Variants in EPB41L4A observed in about 807,000 individuals in gnomAD.
EPB41L4A encodes erythrocyte membrane protein band 4.1 like 4A.
Under a neutral mutation model 108.6 loss-of-function variants are expected in EPB41L4A, and 100 were observed. The ratio of observed to expected loss-of-function variants is 0.92; its 90% CI spans 0.78 to 1.09. EPB41L4A has a LOEUF of 1.09. EPB41L4A is among the 50% of genes least tolerant of loss of function. EPB41L4A has a pLI of 0.00. For synonymous variants in EPB41L4A, 319 were observed against 289.0 expected, an observed-to-expected ratio of 1.10 and a Z score of -1.05; for missense variants, 1,030 against 842.7, an observed-to-expected ratio of 1.22 and a Z score of -2.75.
At chr5:112,155,027 C>T (rs1253166495) in intron 12 of EPB41L4A, among the ~76,000 whole-genome samples, 1 of 152,066 alleles carries the variant, frequency 6.6e-6, no homozygotes, top group African/African-American at 2.4e-5. Flanking sequence ...CTGAATGGTC[C>T]TATGTCCATT....
chr5:112,333,659 G>C (rs1487544497), intron 1 of EPB41L4A, among the ~76,000 whole-genome samples: 2 of 151,938 alleles, frequency 1.3e-5, no homozygotes, highest in Non-Finnish European at 2.9e-5. Flanking sequence ...ATGAGTTGCA[G>C]TCTCTCTCTC....
chr5:112,344,319 T>C (rs1463905135), intron 1 of EPB41L4A, among the ~76,000 whole-genome samples: 4 of 152,172 alleles, frequency 2.6e-5, no homozygotes, highest in Admixed American at 6.5e-5. Context: ...GAAAATTCTG[T>C]AGGACATCCC....
chr5:112,262,704 A>C, intron 6 of EPB41L4A, 123 bp from the exon 7 acceptor site: 1 of 797,890 alleles, frequency 1.3e-6, no homozygotes, highest in Non-Finnish European at 2.0e-6. Flanking sequence ...TGCAAACTTA[A>C]GTCCTTGTAT....
At chr5:112,259,443 C>T in intron 8 of EPB41L4A, 151 bp from the exon 9 acceptor site, 1 of 651,052 alleles carries the variant, frequency 1.5e-6, no homozygotes, top group Non-Finnish European at 2.7e-6. Flanking sequence ...GAGATTTCCC[C>T]ATACACTCTA....
chr5:112,317,170 CT>C (rs1755481764), intron 1 of EPB41L4A, among the ~76,000 whole-genome samples: 2 of 152,250 alleles, frequency 1.3e-5, no homozygotes, highest in Non-Finnish European at 2.9e-5. Context: ...CCTACCACAT[CT>C]TTTTTTTCTC....
At chr5:112,177,834 T>A (rs1760947548) in intron 18 of EPB41L4A, among the ~76,000 whole-genome samples, 1 of 151,700 alleles carries the variant, frequency 6.6e-6, no homozygotes, top group Non-Finnish European at 1.5e-5. Flanking sequence ...AGGTAAGATA[T>A]CAGTAGAGAA....
At chr5:112,248,251 G>T (rs34947473) in intron 9 of EPB41L4A, among the ~76,000 whole-genome samples, 8,989 of 152,236 alleles carry the variant, frequency 0.059, 321 homozygotes, top group Middle Eastern at 0.075. Context: ...CACTGCCATG[G>T]CATTTCAAAT....
chr5:112,214,722 C>T (rs952992515), intron 12 of EPB41L4A, among the ~76,000 whole-genome samples: 5 of 151,736 alleles, frequency 3.3e-5, no homozygotes, highest in East Asian at 3.9e-4. Flanking sequence ...GTGGAGATCG[C>T]GCCACTGCAC....
intron 9 of EPB41L4A, among the ~76,000 whole-genome samples, chr5:112,256,482 T>C (rs2150426237): frequency 6.6e-6 from 1 of 152,246 alleles, no homozygotes; most frequent in South Asian, 2.1e-4. Context: ...AATACAAGAA[T>C]TCGGCAAAAC....
At chr5:112,291,735 G>A (rs1753655655) in intron 2 of EPB41L4A, among the ~76,000 whole-genome samples, 1 of 152,238 alleles carries the variant, frequency 6.6e-6, no homozygotes, top group African/African-American at 2.4e-5. Flanking sequence ...TTGGTCCAGG[G>A]AGCTTCTAGG....
intron 1 of EPB41L4A, among the ~76,000 whole-genome samples, chr5:112,310,590 T>C (rs1241456100): frequency 6.6e-6 from 1 of 152,222 alleles, no homozygotes; most frequent in African/African-American, 2.4e-5. Flanking sequence ...TGTTTTGGCC[T>C]TTAATCAATG....
chr5:112,397,096 C>T (rs1761406657), intron 1 of EPB41L4A, among the ~76,000 whole-genome samples: 1 of 152,112 alleles, frequency 6.6e-6, no homozygotes. Context: ...TCTACGCTTC[C>T]CTCTTTTGGA....
At chr5:112,303,831 G>C (rs567838448) in intron 2 of EPB41L4A, among the ~76,000 whole-genome samples, 2 of 152,098 alleles carry the variant, frequency 1.3e-5, no homozygotes, top group Non-Finnish European at 2.9e-5. Context: ...TGAAGTTTAC[G>C]CGTGATGCAG....
rs190867328 is a variant in EPB41L4A, at chr5:112,151,975, G to A, written n.995-5977C>T. 1.3e-4 allele frequency among the ~76,000 whole-genome samples: 19 copies of A among 151,996 alleles called. No individual in the cohort carries two copies. The East Asian group carries it at 1.4e-3, about 11-fold the overall frequency. ...TTGAATTCCTGACCTCAAGTGATCC[G>A]CCCACCTCAGCCTTCCAAAGTGCTG... On this transcript the variant is annotated intron_variant and non_coding_transcript_variant, in intron 12 of 13. Transcript: ENST00000507810.
At chr5:112,226,942 C>A (rs1475211113) in intron 12 of EPB41L4A, among the ~76,000 whole-genome samples, 1 of 148,042 alleles carries the variant, frequency 6.8e-6, no homozygotes, top group Non-Finnish European at 1.5e-5. Flanking sequence ...TCTTAAAATG[C>A]TTAAGATGGT....
chr5:112,290,784 T>C (rs1753592698), intron 2 of EPB41L4A, among the ~76,000 whole-genome samples: 1 of 152,142 alleles, frequency 6.6e-6, no homozygotes, highest in Non-Finnish European at 1.5e-5. Flanking sequence ...AATGTAGTTT[T>C]AGCTAACCAA....
At chr5:112,201,789 G>A (rs1006492456) in intron 15 of EPB41L4A, among the ~76,000 whole-genome samples, 1 of 152,134 alleles carries the variant, frequency 6.6e-6, no homozygotes, top group Non-Finnish European at 1.5e-5. Flanking sequence ...CTGAGTAAGG[G>A]CTGAAGTACA....
intron 3 of EPB41L4A, among the ~76,000 whole-genome samples, chr5:112,278,532 A>G (rs1482442536): frequency 2.6e-5 from 4 of 152,086 alleles, no homozygotes; most frequent in Admixed American, 6.6e-5. Context: ...GATTACAGGC[A>G]TAAGACACCA....
intron 1 of EPB41L4A, among the ~76,000 whole-genome samples, chr5:112,328,422 G>A (rs181393246): frequency 1.3e-5 from 2 of 152,252 alleles, no homozygotes; most frequent in Admixed American, 1.3e-4. Flanking sequence ...TTTTTGAACA[G>A]GAAGGGATGT....
Sources: gnomAD v4.1 joint callset for allele counts (sites outside exome capture counted in the v4.1 genomes callset) on GRCh38, gnomAD v4.1.1 for gene constraint, MANE v1.5 for transcripts, NCBI Gene and HGNC (gene_info 2026-07-23, HGNC 2026-07-21) for gene names.